Variants in VAV3 observed in about 807,000 individuals in gnomAD.
VAV3 encodes guanine nucleotide exchange factor VAV3.
In VAV3, 94 loss-of-function variants were observed where a neutral mutation model predicts 131.2. That is an observed-to-expected ratio of 0.72 (90% CI 0.61 to 0.85). The LOEUF is 0.85. Ranked by LOEUF, VAV3 falls within the 40% of genes least tolerant of loss-of-function variation. The probability of loss-of-function intolerance (pLI) is 0.00; values close to 1 mark genes in which losing one functional copy is unlikely to be tolerated. For missense variants in VAV3, 939 were observed against 1,002.7 expected (o/e 0.94, Z 0.86); for synonymous variants, 349 against 342.0 (o/e 1.02, Z -0.22).
chr1:107,754,585 G>A (rs1663988031), intron 12 of VAV3, among the ~76,000 whole-genome samples: 1 of 152,124 alleles, frequency 6.6e-6, no homozygotes, highest in Non-Finnish European at 1.5e-5. Context: ...AATACTCCCT[G>A]ATAGAAACCT....
intron 19 of VAV3, among the ~76,000 whole-genome samples, chr1:107,661,598 G>C (rs566524869): frequency 6.6e-5 from 10 of 152,312 alleles, no homozygotes; most frequent in African/African-American, 2.2e-4. Flanking sequence ...CCAAAGTATA[G>C]TGTTTGGTGT....
At chr1:107,943,794 G>A (rs189620231) in intron 1 of VAV3, among the ~76,000 whole-genome samples, 14 of 152,298 alleles carry the variant, frequency 9.2e-5, no homozygotes, top group Non-Finnish European at 1.9e-4. Context: ...TGAAGTCGTG[G>A]CCTAGAGCCT....
At chr1:107,930,289 C>T (rs1673365332) in intron 1 of VAV3, among the ~76,000 whole-genome samples, 1 of 151,962 alleles carries the variant, frequency 6.6e-6, no homozygotes, top group Non-Finnish European at 1.5e-5. Context: ...CTCATGTAAT[C>T]CATAAATATG....
intron 19 of VAV3, among the ~76,000 whole-genome samples, chr1:107,678,988 A>G (rs1393690693): frequency 6.6e-6 from 1 of 152,176 alleles, no homozygotes; most frequent in Non-Finnish European, 1.5e-5. Context: ...GTCTATATCT[A>G]TTCCTTTCCT....
chr1:107,780,698 T>C (rs906037261), intron 2 of VAV3, among the ~76,000 whole-genome samples: 2 of 152,126 alleles, frequency 1.3e-5, no homozygotes, highest in Non-Finnish European at 2.9e-5. Flanking sequence ...GTATTTTTAG[T>C]AGAGATGCAG....
intron 19 of VAV3, among the ~76,000 whole-genome samples, chr1:107,645,123 A>G (rs1370160794): frequency 6.6e-6 from 1 of 151,980 alleles, no homozygotes; most frequent in Admixed American, 6.6e-5. Flanking sequence ...GCACACTACT[A>G]TAGGTATGTT....
intron 2 of VAV3, among the ~76,000 whole-genome samples, chr1:107,857,121 C>T (rs1024531385): frequency 1.3e-4 from 20 of 152,136 alleles, no homozygotes; most frequent in African/African-American, 4.1e-4. Context: ...AGAAGGTTAA[C>T]ATTTGACTCA....
At chr1:107,654,410 AAATT>A (rs1410628230) in intron 19 of VAV3, among the ~76,000 whole-genome samples, 1 of 152,034 alleles carries the variant, frequency 6.6e-6, no homozygotes, top group Non-Finnish European at 1.5e-5. Context: ...TCCTTCCTAT[AAATT>A]AATTGGGAAT....
rs1667427283 is a variant in VAV3, at chr1:107,813,685, T to C, written c.322-34193A>G. ...AACTATACTCACTCTACTTTGCTAT[T>C]GAACATTAGAACTTACTCCTTCTAT... On this transcript the variant is annotated intron_variant, in intron 2 of 26. Transcript: ENST00000370056. 1.3e-5 allele frequency among the ~76,000 whole-genome samples: 2 copies of C among 152,180 alleles called. 1 individual carries two copies. Among genetic ancestry groups the C allele is most frequent in the Middle Eastern group, 6.3e-3 (2 of 316 alleles).
chr1:107,901,958 G>A (rs892698851), intron 1 of VAV3, among the ~76,000 whole-genome samples: 2 of 151,888 alleles, frequency 1.3e-5, no homozygotes, highest in East Asian at 3.9e-4. Flanking sequence ...GAGGAGAATC[G>A]CTTGAACCCA....
At chr1:107,854,517 A>G (rs1669376591) in intron 2 of VAV3, among the ~76,000 whole-genome samples, 1 of 152,210 alleles carries the variant, frequency 6.6e-6, no homozygotes, top group Non-Finnish European at 1.5e-5. Context: ...CTAATATATT[A>G]GATAACTTCA....
intron 1 of VAV3, among the ~76,000 whole-genome samples, chr1:107,908,492 T>C (rs1164372193): frequency 6.6e-6 from 1 of 152,208 alleles, no homozygotes; most frequent in Non-Finnish European, 1.5e-5. Context: ...AGAAATGATC[T>C]CTAGTATGTG....
At chr1:107,740,498 A>T (rs1054039267) in intron 15 of VAV3, among the ~76,000 whole-genome samples, 1 of 152,200 alleles carries the variant, frequency 6.6e-6, no homozygotes, top group Non-Finnish European at 1.5e-5. Flanking sequence ...TAATAATGAC[A>T]AATATAGATA....
In VAV3 at chr1:107,779,467, G is replaced by A; in HGVS notation, c.347C>T (p.Ser116Phe). 1 of 1,591,166 alleles carries A rather than the reference G, an allele frequency of 6.3e-7. No homozygotes were observed. The highest frequency in any genetic ancestry group is 8.6e-7 in the Non-Finnish European group (1 of 1,168,318). The change falls in exon 3 of 27, where the codon TCT becomes TTT. Residue 116 changes from serine to phenylalanine, a missense_variant. By Grantham distance (155) the Ser-to-Phe change is radical. Transcript: ENST00000370056. ...GKVIETLSRLSRTPIALATGI... is the reference protein window; with the variant it reads ...GKVIETLSRLFRTPIALATGI... ...TGTGGCCAATGCTATAGGTGTTCGA[G>A]AAAGTCGTGATAATGTTTCTATAAC...
At chr1:107,830,055 T>C (rs1668180861) in intron 2 of VAV3, among the ~76,000 whole-genome samples, 2 of 152,162 alleles carry the variant, frequency 1.3e-5, no homozygotes, top group African/African-American at 4.8e-5. Flanking sequence ...GATTCCCCTT[T>C]GAAGAAAAGT....
intron 1 of VAV3, among the ~76,000 whole-genome samples, chr1:107,875,626 T>A (rs1039553161): frequency 6.6e-6 from 1 of 152,164 alleles, no homozygotes; most frequent in Non-Finnish European, 1.5e-5. Context: ...TGGGGTCAGA[T>A]GATGAAGATC....
chr1:107,706,786 A>G (rs1660481797), intron 15 of VAV3, among the ~76,000 whole-genome samples: 1 of 152,210 alleles, frequency 6.6e-6, no homozygotes, highest in Non-Finnish European at 1.5e-5. Flanking sequence ...AATAAGTTTG[A>G]GTCCTGGCAA....
intron 2 of VAV3, among the ~76,000 whole-genome samples, chr1:107,847,527 A>C (rs1022791137): frequency 6.6e-6 from 1 of 152,180 alleles, no homozygotes; most frequent in Non-Finnish European, 1.5e-5. Flanking sequence ...CGCTAGCCAC[A>C]CTAATAAAGA....
chr1:107,815,269 C>A (rs1667516781), intron 2 of VAV3, among the ~76,000 whole-genome samples: 1 of 152,140 alleles, frequency 6.6e-6, no homozygotes, highest in Non-Finnish European at 1.5e-5. Flanking sequence ...TGACTCAAGA[C>A]CTGCTTTCTG....
Sources: allele counts gnomAD v4.1 joint callset (sites outside exome capture counted in the v4.1 genomes callset), GRCh38; gene constraint gnomAD v4.1.1; transcripts MANE v1.5; gene names NCBI Gene and HGNC (gene_info 2026-07-23, HGNC 2026-07-21).